The following TEX11 variants were observed in gnomAD, a reference collection of about 807,000 sequenced individuals.
TEX11 encodes testis-expressed protein 11.
A neutral mutation model predicts 84.4 loss-of-function variants in TEX11; 7 were observed. The observed-to-expected ratio is 0.08, with a 90% CI of 0.05 to 0.16. The LOEUF is 0.16. TEX11 is among the 10% of genes least tolerant of loss of function. The pLI is 1.00. For missense variants in TEX11, 551 were observed against 660.5 expected, an observed-to-expected ratio of 0.83 and a Z score of 1.82; for synonymous variants, 264 against 222.8, an observed-to-expected ratio of 1.18 and a Z score of -1.64.
intron 5 of TEX11, 28 bp downstream of exon 5, chrX:70,860,829 C>G: frequency 2.8e-6 from 3 of 1,063,320 alleles, no homozygotes; most frequent in Non-Finnish European, 3.9e-6. Flanking sequence ...CTCATTTCAT[C>G]TCCACTTTCT....
At chrX:70,610,413 G>T in intron 21 of TEX11, 90 bp downstream of exon 21, 1 of 832,586 alleles carries the variant, frequency 1.2e-6, no homozygotes, top group Non-Finnish European at 1.7e-6. Context: ...TCAAACATAA[G>T]GTTAAAGTTG....
At chrX:70,774,687 G>A (rs2090991103) in intron 9 of TEX11, among the ~76,000 whole-genome samples, 1 of 111,245 alleles carries the variant, frequency 9.0e-6, no homozygotes, top group African/African-American at 3.3e-5. Context: ...GAACTAAAAA[G>A]CACTGGTGAA....
intron 11 of TEX11, among the ~76,000 whole-genome samples, chrX:70,730,146 C>G (rs182535939): frequency 8.9e-6 from 1 of 111,827 alleles, no homozygotes; most frequent in African/African-American, 3.3e-5. Flanking sequence ...CCTAAAAGAG[C>G]TCCTGAAAGA....
At chrX:70,835,981 T>G (rs1184790343) in intron 7 of TEX11, among the ~76,000 whole-genome samples, 1 of 109,477 alleles carries the variant, frequency 9.1e-6, no homozygotes, top group Non-Finnish European at 1.9e-5. Context: ...CTAGGCATGG[T>G]GGTGCGTGCC....
chrX:70,560,905 T>G (rs1344349945), intron 25 of TEX11, among the ~76,000 whole-genome samples: 2 of 60,397 alleles, frequency 3.3e-5, no homozygotes, highest in Non-Finnish European at 6.5e-5. Flanking sequence ...TTTTTTTTTT[T>G]TTTTTTTTTT....
At chrX:70,651,186 G>C (rs976840229) in intron 17 of TEX11, among the ~76,000 whole-genome samples, 1 of 111,989 alleles carries the variant, frequency 8.9e-6, no homozygotes, top group East Asian at 2.8e-4. Context: ...GTATAAAAAA[G>C]TACATAGTGA....
At chrX:70,789,385 A>C (rs1184227683) in intron 9 of TEX11, among the ~76,000 whole-genome samples, 1 of 111,809 alleles carries the variant, frequency 8.9e-6, no homozygotes, top group African/African-American at 3.3e-5. Flanking sequence ...TGAGCTTAGG[A>C]GTTTGAGACC....
At chrX:70,597,775 C>G (rs1197407648) in intron 24 of TEX11, among the ~76,000 whole-genome samples, 2 of 111,765 alleles carry the variant, frequency 1.8e-5, no homozygotes, top group Non-Finnish European at 3.8e-5. Context: ...AAATGTATTT[C>G]AAAGGGCACT....
chrX:70,542,710 C>G (rs769448164), intron 28 of TEX11, among the ~76,000 whole-genome samples: 11 of 111,598 alleles, frequency 9.9e-5, no homozygotes, highest in Non-Finnish European at 1.9e-4. Flanking sequence ...TGTGTGGAGG[C>G]ACTTGATAAA....
chrX:70,687,233 A>C (rs2090196758), intron 13 of TEX11, among the ~76,000 whole-genome samples: 1 of 111,092 alleles, frequency 9.0e-6, no homozygotes, highest in Non-Finnish European at 1.9e-5. Flanking sequence ...CTATTAATCC[A>C]CTTCCAAGTA....
intron 24 of TEX11, among the ~76,000 whole-genome samples, chrX:70,596,450 A>G (rs1188972001): frequency 3.6e-5 from 4 of 111,861 alleles, no homozygotes; most frequent in South Asian, 3.7e-4. Flanking sequence ...CTCTGACCAC[A>G]GTGGAATAAA....
At chrX:70,566,842 C>T (rs2088490079) in intron 25 of TEX11, among the ~76,000 whole-genome samples, 1 of 111,862 alleles carries the variant, frequency 8.9e-6, no homozygotes, top group South Asian at 3.8e-4. Context: ...CAATGTTCTT[C>T]AAGGATATTG....
At chrX:70,670,558 C>T (rs1471342068) in intron 15 of TEX11, 44 bp from the exon 16 acceptor site, 1 of 1,146,939 alleles carries the variant, frequency 8.7e-7, no homozygotes, top group Non-Finnish European at 1.2e-6. Context: ...GATGTCGCTA[C>T]CCTATCTTTC....
chrX:70,827,137 T>C (rs1602160125), intron 8 of TEX11, among the ~76,000 whole-genome samples: 1 of 111,282 alleles, frequency 9.0e-6, no homozygotes, highest in African/African-American at 3.3e-5. Flanking sequence ...GACCTAGCTC[T>C]CAAACCACAT....
intron 7 of TEX11, among the ~76,000 whole-genome samples, chrX:70,844,750 A>G (rs1383823310): frequency 9.0e-6 from 1 of 111,046 alleles, no homozygotes; most frequent in African/African-American, 3.3e-5. Flanking sequence ...GGAAACCCCC[A>G]TCTCTACTAG....
intron 15 of TEX11, among the ~76,000 whole-genome samples, chrX:70,678,353 T>C (rs2090092557): frequency 9.0e-6 from 1 of 110,876 alleles, no homozygotes; most frequent in Non-Finnish European, 1.9e-5. Context: ...GGGACACAAA[T>C]GTATAATACA....
intron 17 of TEX11, among the ~76,000 whole-genome samples, chrX:70,638,517 T>C (rs1036814376): frequency 9.0e-6 from 1 of 110,936 alleles, no homozygotes; most frequent in African/African-American, 3.3e-5. Flanking sequence ...ATAAACAAAA[T>C]CACCAGGTAT....
intron 16 of TEX11, among the ~76,000 whole-genome samples, chrX:70,668,126 CA>C (rs1209419904): frequency 9.0e-6 from 1 of 110,719 alleles, no homozygotes; most frequent in African/African-American, 3.3e-5. Flanking sequence ...TCTTTTGCTA[CA>C]ACAAAGGAGA....
At chrX:70,560,237 G>A (rs1444621518) in intron 25 of TEX11, among the ~76,000 whole-genome samples, 1 of 108,377 alleles carries the variant, frequency 9.2e-6, no homozygotes, top group African/African-American at 3.4e-5. Flanking sequence ...CGTGACCTCC[G>A]CTTCCCGGGT....
Sources: gnomAD v4.1 joint callset for allele counts (sites outside exome capture counted in the v4.1 genomes callset) on GRCh38, gnomAD v4.1.1 for gene constraint, MANE v1.5 for transcripts, NCBI Gene and HGNC (gene_info 2026-07-23, HGNC 2026-07-21) for gene names.